FNBP1L: variants seen among roughly 807,000 people sequenced by gnomAD.
The protein encoded by FNBP1L is formin-binding protein 1-like.
FNBP1L carries 36 observed loss-of-function variants against 91.2 expected under a neutral mutation model. The ratio of observed to expected loss-of-function variants is 0.39; its 90% CI spans 0.30 to 0.52. The LOEUF is 0.52. Among genes scored for constraint, FNBP1L ranks in the 20% least tolerant of loss-of-function variants. The pLI is 0.66. For synonymous variants in FNBP1L, 242 were observed against 237.0 expected (o/e 1.02, Z -0.19); for missense variants, 571 against 732.1 (o/e 0.78, Z 2.54).
Position 93,448,394 on chromosome 1 carries a change from C to A in FNBP1L, c.24+89C>A. On this transcript the variant is annotated intron_variant, in intron 1 of 16. Coordinates refer to ENST00000271234, the MANE Select transcript of FNBP1L (RefSeq NM_001164473.3). Reference sequence around the variant, plus strand: ...CGCCGCGGACCCTCGGCGGTGAAAGCGCGCTCCGCCGTCCTCGGTCCGGCG... The same window carrying A: ...CGCCGCGGACCCTCGGCGGTGAAAGAGCGCTCCGCCGTCCTCGGTCCGGCG... 5 of 1,358,320 alleles carry A rather than the reference C, an allele frequency of 3.7e-6. No homozygotes were observed. In the South Asian group the frequency reaches 4.6e-5, roughly 13 times the overall value. 84.1% of individuals were successfully genotyped at this position (1,358,320 alleles called of 1,614,324 possible).
At chr1:93,480,171 A>G (rs1012280152) in intron 1 of FNBP1L, among the ~76,000 whole-genome samples, 2 of 152,312 alleles carry the variant, frequency 1.3e-5, no homozygotes, top group South Asian at 4.1e-4. Flanking sequence ...CCCACAAAGC[A>G]TGCAGTTCTT....
chr1:93,455,812 A>G (rs1481408397), intron 1 of FNBP1L, among the ~76,000 whole-genome samples: 1 of 152,272 alleles, frequency 6.6e-6, no homozygotes, highest in Non-Finnish European at 1.5e-5. Flanking sequence ...GTAATCTGTT[A>G]GTGTTACAGA....
intron 11 of FNBP1L, 97 bp from the exon 12 acceptor site, chr1:93,544,010 C>A: frequency 2.5e-6 from 2 of 789,380 alleles, no homozygotes; most frequent in Non-Finnish European, 3.7e-6. Flanking sequence ...TGAAATTAAA[C>A]TTAAGATTGG....
At chr1:93,477,351 A>G (rs1462634814) in intron 1 of FNBP1L, among the ~76,000 whole-genome samples, 1 of 152,230 alleles carries the variant, frequency 6.6e-6, no homozygotes, top group Non-Finnish European at 1.5e-5. Flanking sequence ...GTCTTACTGT[A>G]CAGTGTTTAT....
At chr1:93,458,631 C>G (rs1408941439) in intron 1 of FNBP1L, among the ~76,000 whole-genome samples, 1 of 152,126 alleles carries the variant, frequency 6.6e-6, no homozygotes, top group Non-Finnish European at 1.5e-5. Context: ...GGGATTACAT[C>G]AAGCTAAAAA....
chr1:93,520,784 G>A (rs897554699), intron 2 of FNBP1L, among the ~76,000 whole-genome samples: 1 of 152,044 alleles, frequency 6.6e-6, no homozygotes, highest in Admixed American at 6.6e-5. Context: ...GGGCATGGTG[G>A]CTCATCCCAG....
chr1:93,507,152 T>TC (rs1670665641), intron 2 of FNBP1L, among the ~76,000 whole-genome samples: 1 of 53,432 alleles, frequency 1.9e-5, no homozygotes, highest in Non-Finnish European at 3.8e-5. Flanking sequence ...CTCTCTCTCT[T>TC]TCTCTCCGTC....
At chr1:93,452,788 A>G (rs1408444057) in intron 1 of FNBP1L, among the ~76,000 whole-genome samples, 1 of 152,170 alleles carries the variant, frequency 6.6e-6, no homozygotes, top group Admixed American at 6.5e-5. Context: ...TTATTAATGT[A>G]AACTGAATTG....
intron 1 of FNBP1L, among the ~76,000 whole-genome samples, chr1:93,484,608 T>A (rs546081921): frequency 6.6e-6 from 1 of 152,274 alleles, no homozygotes; most frequent in African/African-American, 2.4e-5. Flanking sequence ...TGCTAATTGG[T>A]GTGAGGGTAG....
intron 15 of FNBP1L, among the ~76,000 whole-genome samples, chr1:93,550,087 C>T (rs1165710066): frequency 2.6e-5 from 4 of 152,140 alleles, no homozygotes; most frequent in Non-Finnish European, 5.9e-5. Context: ...CATAAATAAA[C>T]GGTTGTAAAA....
chr1:93,473,538 C>T (rs1669382237), intron 1 of FNBP1L, among the ~76,000 whole-genome samples: 1 of 152,096 alleles, frequency 6.6e-6, no homozygotes, highest in Non-Finnish European at 1.5e-5. Flanking sequence ...GGGTCGTTTC[C>T]ATCTTCAACA....
intron 1 of FNBP1L, among the ~76,000 whole-genome samples, chr1:93,486,700 G>A (rs147331537): frequency 4.6e-5 from 7 of 152,170 alleles, no homozygotes; most frequent in East Asian, 1.9e-4. Flanking sequence ...GAATTTCCAC[G>A]TGCTCCTACT....
At chr1:93,452,666 T>G (rs1385477421) in intron 1 of FNBP1L, among the ~76,000 whole-genome samples, 1 of 152,228 alleles carries the variant, frequency 6.6e-6, no homozygotes, top group Non-Finnish European at 1.5e-5. Flanking sequence ...TGCTCCACAA[T>G]CGTCCTTCCT....
intron 1 of FNBP1L, among the ~76,000 whole-genome samples, chr1:93,475,871 GA>G (rs1669476851): frequency 6.6e-6 from 1 of 152,152 alleles, no homozygotes; most frequent in Non-Finnish European, 1.5e-5. Flanking sequence ...ACAGAGTTGT[GA>G]AATATAATTG....
At chr1:93,479,306 G>T (rs1245932859) in intron 1 of FNBP1L, among the ~76,000 whole-genome samples, 3 of 152,202 alleles carry the variant, frequency 2.0e-5, no homozygotes, top group Non-Finnish European at 4.4e-5. Context: ...TGCTTCTGAG[G>T]AAACAGGGCA....
chr1:93,480,724 G>A (rs533231999), intron 1 of FNBP1L, among the ~76,000 whole-genome samples: 19 of 151,916 alleles, frequency 1.3e-4, no homozygotes, highest in East Asian at 3.9e-4. Flanking sequence ...CACCACGCCC[G>A]GCTAATTTTT....
intron 6 of FNBP1L, among the ~76,000 whole-genome samples, chr1:93,530,504 A>G (rs184739248): frequency 6.6e-6 from 1 of 152,272 alleles, no homozygotes; most frequent in East Asian, 1.9e-4. Context: ...ATCAGGGAAT[A>G]CTATTGTAAT....
chr1:93,552,543 A>T lies in FNBP1L; in HGVS notation c.*127A>T. 2 of 951,802 alleles carry T rather than the reference A, an allele frequency of 2.1e-6. No individual in the cohort carries two copies. Among genetic ancestry groups the T allele is most frequent in the Non-Finnish European group, 3.0e-6 (2 of 663,146 alleles). The allele number at this position is 951,802 out of a possible 1,614,324, so 59.0% of individuals were successfully genotyped here. On this transcript the variant is annotated 3_prime_UTR_variant, in exon 17 of 17. Transcript: ENST00000271234. Reference sequence around the variant, plus strand: ...GCAAGTTGCATGAGTGCATGCAGACATGATTTTTTTTTTACTAACTTCATT... The same window carrying T: ...GCAAGTTGCATGAGTGCATGCAGACTTGATTTTTTTTTTACTAACTTCATT...
chr1:93,516,845 AAAC>A (rs1671138934), intron 2 of FNBP1L, among the ~76,000 whole-genome samples: 1 of 152,170 alleles, frequency 6.6e-6, no homozygotes, highest in South Asian at 2.1e-4. Context: ...AATTTCTAGA[AAAC>A]AACCCCATTT....
Sources: gnomAD v4.1 joint callset for allele counts (sites outside exome capture counted in the v4.1 genomes callset) on GRCh38, gnomAD v4.1.1 for gene constraint, MANE v1.5 for transcripts, NCBI Gene and HGNC (gene_info 2026-07-23, HGNC 2026-07-21) for gene names.